INVS: variants seen among roughly 807,000 people sequenced by gnomAD.
INVS encodes the protein inversion of embryo turning homolog.
A neutral mutation model predicts 108.8 loss-of-function variants in INVS; 86 were observed. The ratio of observed to expected loss-of-function variants is 0.79; its 90% CI spans 0.66 to 0.95. The LOEUF (loss-of-function observed/expected upper bound fraction) is 0.95, where lower values mean the gene tolerates loss of function less well. Ranked by LOEUF, INVS falls within the 40% of genes least tolerant of loss-of-function variation. The pLI is 0.00. For missense variants in INVS, 1,169 were observed against 1,297.4 expected (o/e 0.90, Z 1.52); for synonymous variants, 455 against 473.5 (o/e 0.96, Z 0.51).
rs750200264 is a variant in INVS at position 100,145,015 on chromosome 9, G to A, written c.273+18466G>A. Among the ~76,000 whole-genome samples, 12 of 152,262 alleles carry A rather than the reference G, an allele frequency of 7.9e-5. No individual in the cohort carries two copies. The South Asian group carries it at 2.1e-3, about 26-fold the overall frequency. The stretch of plus-strand genomic sequence containing the variant: ...GTAGGATGGAAAAATCGAAAGTGCC[G>A]TTTTCTGTCTATTTGGAACCACTGT... On this transcript the variant is annotated intron_variant, in intron 3 of 16. Coordinates refer to ENST00000262457, the MANE Select transcript of INVS (RefSeq NM_014425.5).
intron 3 of INVS, among the ~76,000 whole-genome samples, chr9:100,200,939 G>T (rs1282110057): frequency 6.6e-6 from 1 of 152,060 alleles, no homozygotes. Context: ...TTCACACTGC[G>T]GCCAGATTTC....
intron 2 of INVS, among the ~76,000 whole-genome samples, chr9:100,112,127 A>G (rs763743805): frequency 6.6e-6 from 1 of 151,952 alleles, no homozygotes; most frequent in Non-Finnish European, 1.5e-5. Context: ...ACATGCCACC[A>G]TGCTCAGCTA....
At chr9:100,271,276 T>C (rs1237796441) in intron 11 of INVS, among the ~76,000 whole-genome samples, 3 of 152,244 alleles carry the variant, frequency 2.0e-5, no homozygotes, top group Non-Finnish European at 4.4e-5. Context: ...TGCTTTTTTC[T>C]TTGTCTTCAT....
At chr9:100,166,316 C>T (rs1177036571) in intron 3 of INVS, among the ~76,000 whole-genome samples, 1 of 152,046 alleles carries the variant, frequency 6.6e-6, no homozygotes, top group Non-Finnish European at 1.5e-5. Context: ...CAAGACCAGC[C>T]CTGGCAACAT....
At chr9:100,100,812 A>ATATAT (rs1826881883) in intron 1 of INVS, among the ~76,000 whole-genome samples, 1 of 8,832 alleles carries the variant, frequency 1.1e-4, no homozygotes, top group Non-Finnish European at 2.0e-4. Context: ...TGTATATATA[A>ATATAT]TATATATAAT....
In INVS at chr9:100,302,157, T is replaced by A; in HGVS notation, c.*1483T>A. ...TTTCTTCAAATAAGATAGATGTGAA[T>A]AAACAACTTCAAACAGGAGGTACTA... On this transcript the variant is annotated 3_prime_UTR_variant, in exon 17 of 17. Transcript: ENST00000262457. 1 of 1,296,944 alleles carries A rather than the reference T, an allele frequency of 7.7e-7. No individual in the cohort carries two copies. The highest frequency in any genetic ancestry group is 1.1e-6 in the Non-Finnish European group (1 of 932,006). The allele number at this position is 1,296,944 out of a possible 1,614,324, so 80.3% of individuals were successfully genotyped here. A position where few individuals can be genotyped will look rare whatever the true frequency, so the allele number is the denominator to read the frequency against.
chr9:100,215,149 A>T (rs955138114), intron 3 of INVS: 5 of 152,240 alleles, frequency 3.3e-5, no homozygotes, highest in Non-Finnish European at 5.9e-5. Flanking sequence ...GATGGTCATT[A>T]TGGATATTTA....
chr9:100,144,652 A>G (rs1363240182), intron 3 of INVS, among the ~76,000 whole-genome samples: 1 of 152,118 alleles, frequency 6.6e-6, no homozygotes, highest in Admixed American at 6.5e-5. Context: ...CGCGGAACAA[A>G]ACTGTAAGCC....
intron 7 of INVS, among the ~76,000 whole-genome samples, chr9:100,243,276 C>T (rs1024633931): frequency 1.3e-5 from 2 of 152,096 alleles, no homozygotes; most frequent in East Asian, 3.8e-4. Context: ...ACTGTATTAC[C>T]TTACACAAGT....
chr9:100,211,967 T>C (rs918863007), intron 3 of INVS, among the ~76,000 whole-genome samples: 8 of 152,176 alleles, frequency 5.3e-5, no homozygotes, highest in Non-Finnish European at 8.8e-5. Flanking sequence ...ATTTTAGCAA[T>C]AAAACACAGA....
rs187601212 is a variant in INVS at position 100,174,895 on chromosome 9, G to C, written c.273+48346G>C. Among the ~76,000 whole-genome samples the C allele has an allele frequency of 5.8e-3, 885 of 152,260 alleles. 8 individuals are homozygous for C. Among genetic ancestry groups the C allele is most frequent in the South Asian group, 0.019 (91 of 4,822 alleles). On this transcript the variant is annotated intron_variant, in intron 3 of 16. Coordinates refer to ENST00000262457, the MANE Select transcript of INVS (RefSeq NM_014425.5). ...CCACTGCACTCCAGCCTGGGCGACAGAGTGAGATGCTGTCTCCGAAAAAAA... is the reference window on the plus strand; with the variant it reads ...CCACTGCACTCCAGCCTGGGCGACACAGTGAGATGCTGTCTCCGAAAAAAA...
At chr9:100,275,202 T>G (rs1246041184) in intron 12 of INVS, among the ~76,000 whole-genome samples, 1 of 152,246 alleles carries the variant, frequency 6.6e-6, no homozygotes, top group African/African-American at 2.4e-5. Flanking sequence ...ATAAAAGTTC[T>G]CTGCATGTGA....
At chr9:100,109,307 A>G (rs1223937300) in intron 2 of INVS, among the ~76,000 whole-genome samples, 1 of 151,932 alleles carries the variant, frequency 6.6e-6, no homozygotes, top group Non-Finnish European at 1.5e-5. Context: ...TGACAGTAAA[A>G]TATCTAGCAT....
chr9:100,151,847 A>G (rs1456070810), intron 3 of INVS, among the ~76,000 whole-genome samples: 1 of 152,234 alleles, frequency 6.6e-6, no homozygotes, highest in East Asian at 1.9e-4. Flanking sequence ...ACAACAGAAT[A>G]CAATGCCAGT....
chr9:100,135,173 A>G (rs1828183849), intron 3 of INVS, among the ~76,000 whole-genome samples: 1 of 152,194 alleles, frequency 6.6e-6, no homozygotes, highest in East Asian at 1.9e-4. Flanking sequence ...GTATTATTTA[A>G]AAAATGATAA....
chr9:100,186,661 C>G (rs1564149923), intron 3 of INVS, among the ~76,000 whole-genome samples: 1 of 151,520 alleles, frequency 6.6e-6, no homozygotes, highest in Admixed American at 6.6e-5. Context: ...ATTTGTATAT[C>G]TTTTTTGAGA....
chr9:100,196,122 T>C (rs1201225103), intron 3 of INVS, among the ~76,000 whole-genome samples: 1 of 152,052 alleles, frequency 6.6e-6, no homozygotes, highest in East Asian at 1.9e-4. Context: ...CTTGCTGGAG[T>C]TTTTTCTTTT....
chr9:100,219,133 C>A (rs1831069438), intron 3 of INVS, among the ~76,000 whole-genome samples: 1 of 151,476 alleles, frequency 6.6e-6, no homozygotes, highest in African/African-American at 2.4e-5. Flanking sequence ...AAGATATTTG[C>A]AAAACCAACC....
At chr9:100,226,018 C>G in intron 3 of INVS, 44 bp from the exon 4 acceptor site, 1 of 1,445,564 alleles carries the variant, frequency 6.9e-7, no homozygotes, top group Non-Finnish European at 9.5e-7. Context: ...AAATTTTGAC[C>G]CCATAGTACA....
Sources: gnomAD v4.1 joint callset for allele counts (sites outside exome capture counted in the v4.1 genomes callset) on GRCh38, gnomAD v4.1.1 for gene constraint, MANE v1.5 for transcripts, NCBI Gene and HGNC (gene_info 2026-07-23, HGNC 2026-07-21) for gene names.